PCDHGA5: variants seen among roughly 807,000 people sequenced by gnomAD.
The protein encoded by PCDHGA5 is protocadherin gamma-A5.
A neutral mutation model predicts 56.7 loss-of-function variants in PCDHGA5; 36 were observed. The ratio of observed to expected loss-of-function variants is 0.64; its 90% CI spans 0.49 to 0.84. The LOEUF is 0.84. Among genes scored for constraint, PCDHGA5 ranks in the 40% least tolerant of loss-of-function variants. The probability of loss-of-function intolerance (pLI) is 0.00; values close to 1 mark genes in which losing one functional copy is unlikely to be tolerated. For missense variants in PCDHGA5, 1,305 were observed against 1,201.5 expected, an observed-to-expected ratio of 1.09 and a Z score of -1.27; for synonymous variants, 563 against 520.2, an observed-to-expected ratio of 1.08 and a Z score of -1.12.
At position 141,485,683 on chromosome 5, in the gene PCDHGA5, T is replaced by C. The variant is rs2099617681; in HGVS notation, c.2422-9124T>C. ...TGGGGAGCAATTCGATTAGCAGCTA[T>C]AGGCTGAGCTCCAATGAACACTTTG... On this transcript the variant is annotated intron_variant, in intron 1 of 3. Coordinates refer to ENST00000518069, the MANE Select transcript of PCDHGA5 (RefSeq NM_018918.3). This position sits in a 1 kb window ranked among gnomAD's most constrained non-coding sequence, Gnocchi z 5.7. 3.7e-6 allele frequency: 6 copies of C among 1,614,042 alleles called. No individual in the cohort carries two copies. The South Asian group carries it at 4.4e-5, about 12-fold the overall frequency.
intron 1 of PCDHGA5, among the ~76,000 whole-genome samples, chr5:141,481,031 C>G (rs926205148): frequency 1.3e-5 from 2 of 152,108 alleles, no homozygotes; most frequent in Non-Finnish European, 2.9e-5. Flanking sequence ...GCACTCCAGC[C>G]TGGGCGACAG....
In PCDHGA5 at chr5:141,489,210, G is replaced by A; in HGVS notation, c.2422-5597G>A. ...TCTACCTTGGAGACAGGACAGCACAGACTTACTCTCCACAAAGGGACTTCT... is the reference window on the plus strand; with the variant it reads ...TCTACCTTGGAGACAGGACAGCACAAACTTACTCTCCACAAAGGGACTTCT... On this transcript the variant is annotated intron_variant, in intron 1 of 3. Coordinates refer to ENST00000518069, the MANE Select transcript of PCDHGA5 (RefSeq NM_018918.3). The surrounding 1 kb of genome is among the most constrained non-coding windows in gnomAD (Gnocchi z 4.5). 6 of 1,461,860 alleles carry A rather than the reference G, an allele frequency of 4.1e-6. No homozygotes were observed. Among genetic ancestry groups the A allele is most frequent in the Non-Finnish European group, 5.6e-6 (6 of 1,080,904 alleles). 90.6% of individuals were successfully genotyped at this position (1,461,860 alleles called of 1,614,324 possible). A position where few individuals can be genotyped will look rare whatever the true frequency, so the allele number is the denominator to read the frequency against.
rs527514615 is a variant in PCDHGA5 at position 141,485,941 on chromosome 5, A to G, written c.2422-8866A>G. ...GGATTAGTGTGTTGGAGAGCGCACC[A>G]GCGGGCATGGTGCTCATCCAGCTCA... is the stretch of plus-strand genomic sequence containing the variant. On this transcript the variant is annotated intron_variant, in intron 1 of 3. Coordinates refer to ENST00000518069, the MANE Select transcript of PCDHGA5 (RefSeq NM_018918.3). This position sits in a 1 kb window ranked among gnomAD's most constrained non-coding sequence, Gnocchi z 5.7. The G allele has an allele frequency of 2.5e-6, 4 of 1,614,180 alleles. No homozygotes were observed. The highest frequency in any genetic ancestry group is 2.7e-5 in the African/African-American group (2 of 75,032).
intron 1 of PCDHGA5, chr5:141,410,911 T>C (rs927103159): frequency 2.6e-5 from 7 of 267,884 alleles, no homozygotes; most frequent in African/African-American, 7.8e-5. Flanking sequence ...TGGAGTGCAG[T>C]GGCGTGATCT....
chr5:141,376,794 C>T, intron 1 of PCDHGA5: 1 of 353,104 alleles, frequency 2.8e-6, no homozygotes, highest in East Asian at 6.1e-5. Flanking sequence ...TCACGCCATT[C>T]TCCTGCCTCA....
chr5:141,485,503 C>T lies in PCDHGA5; in HGVS notation c.2422-9304C>T, dbSNP rs1057374827. The T allele has an allele frequency of 5.0e-6, 8 of 1,614,096 alleles. No homozygotes were observed. The highest frequency in any genetic ancestry group is 6.8e-6 in the Non-Finnish European group (8 of 1,180,008). On this transcript the variant is annotated intron_variant, in intron 1 of 3. Coordinates refer to ENST00000518069, the MANE Select transcript of PCDHGA5 (RefSeq NM_018918.3). This position sits in a 1 kb window ranked among gnomAD's most constrained non-coding sequence, Gnocchi z 5.7. ...GCATCGTGCCCCTGGAGTTTGTCAC[C>T]GAAGGTCCTTTGGAAATGTACCGAG...
chr5:141,374,050 T>C (rs1156255025), intron 1 of PCDHGA5: 1 of 1,475,134 alleles, frequency 6.8e-7, no homozygotes, highest in African/African-American at 1.4e-5. Flanking sequence ...TTCTTCCTCT[T>C]CTTAATCCCA....
chr5:141,423,174 C>T (rs1203454000), intron 1 of PCDHGA5: 1 of 1,613,484 alleles, frequency 6.2e-7, no homozygotes, highest in South Asian at 1.1e-5. Flanking sequence ...CCGTCCAGGA[C>T]CACGGCCAGC....
Position 141,364,781 on chromosome 5 carries a change from C to G in PCDHGA5, c.451C>G (p.Arg151Gly), listed in dbSNP as rs754157065. The change falls in exon 1 of 4, where the codon CGG becomes GGG. Residue 151 changes from arginine to glycine, a missense_variant. Transcript: ENST00000518069. ...KVNENAAAGT[R>G]LVLPFARDAD... ...TAATGAAAATGCGGCTGCAGGGACA[C>G]GGTTAGTGCTTCCCTTCGCGCGGGA... 5 of 1,613,988 alleles carry G rather than the reference C, an allele frequency of 3.1e-6. No homozygotes were observed. The South Asian group carries it at 3.3e-5, about 11-fold the overall frequency.
chr5:141,504,241 A>G (rs1282647590), intron 2 of PCDHGA5, among the ~76,000 whole-genome samples: 1 of 152,156 alleles, frequency 6.6e-6, no homozygotes, highest in Non-Finnish European at 1.5e-5. Flanking sequence ...AGAAGCAGAG[A>G]GTTCTTCTTA....
chr5:141,433,329 G>A, intron 1 of PCDHGA5: 1 of 702,998 alleles, frequency 1.4e-6, no homozygotes, highest in Non-Finnish European at 2.4e-6. Context: ...GTGTAACAGG[G>A]ACTACAGGTG....
chr5:141,383,003 T>G, intron 1 of PCDHGA5: 2 of 1,613,734 alleles, frequency 1.2e-6, no homozygotes, highest in Non-Finnish European at 1.7e-6. Flanking sequence ...CTCTACTCCG[T>G]GTCGGAGGAG....
chr5:141,408,071 T>C, intron 1 of PCDHGA5: 4 of 1,384,774 alleles, frequency 2.9e-6, no homozygotes, highest in Non-Finnish European at 2.9e-6. Context: ...GCGCAGACCT[T>C]TCCCAGCACA....
intron 1 of PCDHGA5, among the ~76,000 whole-genome samples, chr5:141,450,783 G>A (rs2879228): frequency 0.25 from 37,099 of 150,510 alleles, 4,810 homozygotes; most frequent in Admixed American, 0.32. Flanking sequence ...CACCGTGCCC[G>A]GACCTCATGA....
At chr5:141,430,575 A>G in intron 1 of PCDHGA5, 2 of 455,822 alleles carry the variant, frequency 4.4e-6, no homozygotes, top group East Asian at 3.5e-5. Flanking sequence ...AAAAGCGGAG[A>G]TCCTGCTCGC....
Position 141,414,286 on chromosome 5 carries a change from G to T in PCDHGA5, c.2421+47535G>T, listed in dbSNP as rs2095728607. On this transcript the variant is annotated intron_variant, in intron 1 of 3. Transcript: ENST00000518069. Reference sequence around the variant, plus strand: ...AGATTCACCTCTGGGAACAGTCGTAGCCCTTTTAAATGTGCATGATTTAGA... The same window carrying T: ...AGATTCACCTCTGGGAACAGTCGTATCCCTTTTAAATGTGCATGATTTAGA... 1.2e-6 allele frequency: 2 copies of T among 1,613,466 alleles called. No homozygotes were observed. The highest frequency in any genetic ancestry group is 1.7e-6 in the Non-Finnish European group (2 of 1,179,778).
In PCDHGA5 at chr5:141,476,606, G is replaced by A; in HGVS notation, c.2422-18201G>A. 1 of 1,614,244 alleles carries A rather than the reference G, an allele frequency of 6.2e-7. No homozygotes were observed. Among genetic ancestry groups the A allele is most frequent in the Non-Finnish European group, 8.5e-7 (1 of 1,180,046 alleles). Reference sequence around the variant, plus strand: ...GCTCGAGAGCGCGCACGATCCCGATGTGGGAAGCAACTCTTTACAAACCTA... The same window carrying A: ...GCTCGAGAGCGCGCACGATCCCGATATGGGAAGCAACTCTTTACAAACCTA... On this transcript the variant is annotated intron_variant, in intron 1 of 3. Transcript: ENST00000518069. The surrounding 1 kb of genome is among the most constrained non-coding windows in gnomAD (Gnocchi z 7.6).
chr5:141,438,254 A>G (rs916664408), intron 1 of PCDHGA5, among the ~76,000 whole-genome samples: 1 of 152,170 alleles, frequency 6.6e-6, no homozygotes, highest in Non-Finnish European at 1.5e-5. Context: ...CTGTCATTGA[A>G]GAGACCATAG....
intron 1 of PCDHGA5, chr5:141,416,678 G>T (rs2096051953): frequency 6.6e-6 from 1 of 151,990 alleles, no homozygotes; most frequent in Non-Finnish European, 1.5e-5. Flanking sequence ...TGCAACGAAG[G>T]GAAATTATAT....
Sources: allele counts gnomAD v4.1 joint callset (sites outside exome capture counted in the v4.1 genomes callset), GRCh38; gene constraint gnomAD v4.1.1; non-coding constraint Gnocchi (gnomAD v3.1); transcripts MANE v1.5; gene names NCBI Gene and HGNC (gene_info 2026-07-23, HGNC 2026-07-21).